Variants in PTPRN2 observed in about 807,000 individuals in gnomAD.
The protein encoded by PTPRN2 is receptor-type tyrosine-protein phosphatase N2.
PTPRN2 carries 74 observed loss-of-function variants against 118.8 expected under a neutral mutation model. The observed-to-expected ratio is 0.62, with a 90% confidence interval of 0.52 to 0.76. PTPRN2 has a LOEUF of 0.76. Among genes scored for constraint, PTPRN2 ranks in the 30% least tolerant of loss-of-function variants. The pLI is 0.00. For synonymous variants in PTPRN2, 641 were observed against 608.0 expected, an observed-to-expected ratio of 1.05 and a Z score of -0.80; for missense variants, 1,481 against 1,394.4, an observed-to-expected ratio of 1.06 and a Z score of -0.99.
At chr7:158,425,575 C>G (rs1815669773) in intron 2 of PTPRN2, among the ~76,000 whole-genome samples, 1 of 130,452 alleles carries the variant, frequency 7.7e-6, no homozygotes, top group Non-Finnish European at 1.6e-5. Context: ...GGTCCGAGAC[C>G]AGCCTAGCTG....
chr7:157,921,118 C>T (rs1407081426), intron 11 of PTPRN2, among the ~76,000 whole-genome samples: 1 of 152,154 alleles, frequency 6.6e-6, no homozygotes, highest in African/African-American at 2.4e-5. Flanking sequence ...CGTGGTGTAT[C>T]CATATAATAG....
At chr7:158,067,816 C>T (rs1358163899) in intron 11 of PTPRN2, among the ~76,000 whole-genome samples, 2 of 151,150 alleles carry the variant, frequency 1.3e-5, no homozygotes, top group African/African-American at 4.9e-5. Flanking sequence ...TCAGGCTGGG[C>T]CGTGGGCAGC....
In PTPRN2 at chr7:157,813,320, A is replaced by G. The variant is rs1205978230; in HGVS notation, c.1788+85353T>C. 6.6e-6 allele frequency among the ~76,000 whole-genome samples: 1 copy of G among 152,138 alleles called. No homozygotes were observed. The highest frequency in any genetic ancestry group is 1.5e-5 in the Non-Finnish European group (1 of 68,018). On this transcript the variant is annotated intron_variant, in intron 12 of 22. Coordinates refer to ENST00000389418, the MANE Select transcript of PTPRN2 (RefSeq NM_002847.5). The surrounding 1 kb of genome is among the most constrained non-coding windows in gnomAD (Gnocchi z 4.7). ...GGTGTGAGTCCAGCCAGTGCTGGGA[A>G]GCCGGTGTGGCTAGGACAACAAAGA...
At chr7:157,758,919 G>C (rs928823468) in intron 12 of PTPRN2, among the ~76,000 whole-genome samples, 3 of 152,228 alleles carry the variant, frequency 2.0e-5, no homozygotes, top group Non-Finnish European at 4.4e-5. Context: ...GCCACGGTAC[G>C]CCCCTCCAGC....
chr7:157,765,104 T>C (rs1230603714), intron 12 of PTPRN2, among the ~76,000 whole-genome samples: 1 of 144,466 alleles, frequency 6.9e-6, no homozygotes, highest in African/African-American at 2.6e-5. Flanking sequence ...CAACCACCCA[T>C]CCTTCCCCCA....
chr7:157,557,205 C>T (rs554124871), intron 21 of PTPRN2, among the ~76,000 whole-genome samples: 7 of 150,470 alleles, frequency 4.7e-5, no homozygotes, highest in African/African-American at 1.7e-4. Context: ...ACACACACAC[C>T]CCACTTACAT....
At chr7:158,487,264 C>T (rs747638601) in intron 2 of PTPRN2, among the ~76,000 whole-genome samples, 15 of 152,214 alleles carry the variant, frequency 9.9e-5, no homozygotes, top group Non-Finnish European at 2.1e-4. Flanking sequence ...CAAGTCTCTG[C>T]TTCCTGTGTT....
At chr7:157,907,886 G>A (rs1442851658) in intron 11 of PTPRN2, among the ~76,000 whole-genome samples, 1 of 152,118 alleles carries the variant, frequency 6.6e-6, no homozygotes, top group Non-Finnish European at 1.5e-5. Context: ...CTGTGGATCT[G>A]ATATCCCACC....
chr7:157,867,087 C>T (rs1160555517), intron 12 of PTPRN2, among the ~76,000 whole-genome samples: 2 of 52,790 alleles, frequency 3.8e-5, no homozygotes, highest in South Asian at 1.3e-3. Context: ...GCCACCACCC[C>T]GCCCCTGACG....
At chr7:158,365,838 A>G (rs1275514312) in intron 2 of PTPRN2, among the ~76,000 whole-genome samples, 1 of 137,058 alleles carries the variant, frequency 7.3e-6, no homozygotes, top group South Asian at 2.5e-4. Flanking sequence ...GCATGCGTGC[A>G]CACACACACA....
At chr7:157,768,494 C>G (rs1318800555) in intron 12 of PTPRN2, among the ~76,000 whole-genome samples, 6 of 152,154 alleles carry the variant, frequency 3.9e-5, no homozygotes, top group Admixed American at 2.0e-4. Flanking sequence ...GCCATGAGAG[C>G]ACGCGGCCGC....
Position 157,867,815 on chromosome 7 carries a change from C to T in PTPRN2, c.1788+30858G>A, listed in dbSNP as rs79239926. Among the ~76,000 whole-genome samples the T allele has an allele frequency of 2.2e-3, 333 of 152,356 alleles. 13 individuals carry two copies. The East Asian group carries it at 0.06, about 28-fold the overall frequency. The stretch of plus-strand genomic sequence containing the variant: ...CCAGGGAGACTCCTTCTCTTCCTTT[C>T]TGCATGGGCCCGAGGAGCTGGTCCC... On this transcript the variant is annotated intron_variant, in intron 12 of 22. Coordinates refer to ENST00000389418, the MANE Select transcript of PTPRN2 (RefSeq NM_002847.5).
chr7:158,032,528 G>A (rs904493966), intron 11 of PTPRN2, among the ~76,000 whole-genome samples: 2 of 152,164 alleles, frequency 1.3e-5, no homozygotes, highest in Non-Finnish European at 2.9e-5. Context: ...GAGACCCAAG[G>A]CAGGTGAAAA....
chr7:158,253,411 A>G (rs4909154), intron 3 of PTPRN2, among the ~76,000 whole-genome samples: 120,711 of 152,220 alleles, frequency 0.79, 48,143 homozygotes, highest in African/African-American at 0.86. Context: ...TTTATGCTGC[A>G]TTTCGTAGAA....
chr7:158,299,073 T>C lies in PTPRN2; in HGVS notation c.277+17746A>G, dbSNP rs1339593312. Among the ~76,000 whole-genome samples, 6 of 152,268 alleles carry C rather than the reference T, an allele frequency of 3.9e-5. No individual in the cohort carries two copies. The East Asian group carries it at 9.7e-4, about 25-fold the overall frequency. On this transcript the variant is annotated intron_variant, in intron 3 of 22. Transcript: ENST00000389418. ...CCTGCAGACACTAATGGACAGAACG[T>C]CACAGCAGTCTGGTGAGCGATGATG...
intron 1 of PTPRN2, among the ~76,000 whole-genome samples, chr7:158,587,115 G>T (rs1586991289): frequency 1.4e-5 from 2 of 146,112 alleles, no homozygotes; most frequent in East Asian, 4.1e-4. Flanking sequence ...GCCAAGGCGC[G>T]CTCCCCACTC....
chr7:158,381,046 C>T (rs1447127685), intron 2 of PTPRN2, among the ~76,000 whole-genome samples: 1 of 152,250 alleles, frequency 6.6e-6, no homozygotes, highest in Non-Finnish European at 1.5e-5. Flanking sequence ...GCCCAACCCA[C>T]AAAACCACTT....
intron 14 of PTPRN2, among the ~76,000 whole-genome samples, chr7:157,631,896 T>C (rs1030088417): frequency 6.6e-6 from 1 of 150,870 alleles, no homozygotes; most frequent in Non-Finnish European, 1.5e-5. Context: ...GAAAATGACA[T>C]GCTTTTTTCA....
chr7:158,111,247 G>A (rs920918459), intron 9 of PTPRN2, among the ~76,000 whole-genome samples: 9 of 152,210 alleles, frequency 5.9e-5, no homozygotes, highest in South Asian at 2.1e-4. Flanking sequence ...AGGATGGGGC[G>A]GATCCATGGA....
Sources: gnomAD v4.1 joint callset for allele counts (sites outside exome capture counted in the v4.1 genomes callset) on GRCh38, gnomAD v4.1.1 for gene constraint, Gnocchi (gnomAD v3.1) non-coding constraint, MANE v1.5 for transcripts, NCBI Gene and HGNC (gene_info 2026-07-23, HGNC 2026-07-21) for gene names.